CCDC6: variants seen among roughly 807,000 people sequenced by gnomAD.
CCDC6 encodes the protein coiled-coil domain-containing protein 6.
Under a neutral mutation model 56.6 loss-of-function variants are expected in CCDC6, and 20 were observed. That is an observed-to-expected ratio of 0.35 (90% CI 0.25 to 0.51). The LOEUF is 0.51. Among genes scored for constraint, CCDC6 ranks in the 20% least tolerant of loss-of-function variants. The probability of loss-of-function intolerance (pLI) is 0.95; values close to 1 mark genes in which losing one functional copy is unlikely to be tolerated. For missense variants in CCDC6, 367 were observed against 601.1 expected (o/e 0.61, Z 4.07); for synonymous variants, 241 against 234.4 (o/e 1.03, Z -0.26).
At chr10:59,850,838 T>C (rs1317531891) in intron 2 of CCDC6, among the ~76,000 whole-genome samples, 1 of 152,196 alleles carries the variant, frequency 6.6e-6, no homozygotes, top group Non-Finnish European at 1.5e-5. Flanking sequence ...ACACCAAGTA[T>C]ACACAACTAT....
In CCDC6 at chr10:59,789,619, T is replaced by C. The variant is rs142638158; in HGVS notation, c.*3298A>G. On this transcript the variant is annotated 3_prime_UTR_variant, in exon 9 of 9. Coordinates refer to ENST00000263102, the MANE Select transcript of CCDC6 (RefSeq NM_005436.5). Reference sequence around the variant, plus strand: ...GTTGTTTTACTATGTATTTCTTTGGTAGTCATCACTACAAAGTTTTCAGTG... The same window carrying C: ...GTTGTTTTACTATGTATTTCTTTGGCAGTCATCACTACAAAGTTTTCAGTG... The C allele has an allele frequency of 1.3e-3, 289 of 228,488 alleles. 10 individuals carry two copies. In the East Asian group the frequency reaches 0.018, roughly 14 times the overall value. 14.2% of individuals were successfully genotyped at this position (228,488 alleles called of 1,614,324 possible). A position where few individuals can be genotyped will look rare whatever the true frequency, so the allele number is the denominator to read the frequency against.
chr10:59,871,565 G>T (rs976053650), intron 1 of CCDC6, among the ~76,000 whole-genome samples: 3 of 151,520 alleles, frequency 2.0e-5, no homozygotes, highest in Non-Finnish European at 4.4e-5. Flanking sequence ...GGGCCCCAAG[G>T]TTCCATTGAA....
At chr10:59,844,472 AG>A (rs1284431045) in intron 2 of CCDC6, among the ~76,000 whole-genome samples, 3 of 151,334 alleles carry the variant, frequency 2.0e-5, no homozygotes. Context: ...AAGTCCTTGC[AG>A]GGCACGGTGG....
intron 1 of CCDC6, among the ~76,000 whole-genome samples, chr10:59,868,801 T>C (rs747767482): frequency 8.5e-5 from 13 of 152,198 alleles, no homozygotes; most frequent in Non-Finnish European, 1.3e-4. Context: ...CCCTGGTAGA[T>C]GACACTTCAC....
rs898788945 is a variant in CCDC6, at chr10:59,792,406, A to G, written c.*511T>C. Reference sequence around the variant, plus strand: ...GAAAATATGTCTTGGGCACTGATTCATCTAACTTTCTGTTCTACACTGAAA... The same window carrying G: ...GAAAATATGTCTTGGGCACTGATTCGTCTAACTTTCTGTTCTACACTGAAA... On this transcript the variant is annotated 3_prime_UTR_variant, in exon 9 of 9. Coordinates refer to ENST00000263102, the MANE Select transcript of CCDC6 (RefSeq NM_005436.5). 2.4e-6 allele frequency: 1 copy of G among 418,112 alleles called. No individual in the cohort carries two copies. 25.9% of individuals were successfully genotyped at this position (418,112 alleles called of 1,614,324 possible).
At chr10:59,840,452 G>A (rs1222451630) in intron 2 of CCDC6, among the ~76,000 whole-genome samples, 5 of 152,050 alleles carry the variant, frequency 3.3e-5, no homozygotes, top group South Asian at 2.1e-4. Flanking sequence ...TCATCCTTGC[G>A]TTTTCCTTAT....
In CCDC6 at chr10:59,906,165, A is replaced by C; in HGVS notation, c.260T>G (p.Leu87Arg). 1 of 1,610,284 alleles carries C rather than the reference A, an allele frequency of 6.2e-7. No individual in the cohort carries two copies. The highest frequency in any genetic ancestry group is 8.5e-7 in the Non-Finnish European group (1 of 1,178,466). ...LETYKLKCKA[L>R]QEENRDLRKA... ...GCGCAGGTCGCGGTTCTCCTCCTGC[A>C]GTGCCTTGCACTTCAGTTTGTAGGT... Residue 87 changes from leucine to arginine, a missense_variant, in exon 1 of 9, where the codon CTG (leucine) becomes CGG (arginine). Leu to Arg is a moderately radical substitution (Grantham distance 102). Around this residue, in one of 7 missense-constraint regions of CCDC6, gnomAD observed 41 missense variants for 90.8 expected, o/e 0.45. Transcript: ENST00000263102.
intron 1 of CCDC6, among the ~76,000 whole-genome samples, chr10:59,893,617 T>C (rs1180434983): frequency 0.063 from 1,149 of 18,368 alleles, 14 homozygotes; most frequent in African/African-American, 0.19. Context: ...AACAAACAAA[T>C]ACATACATAC....
At chr10:59,888,497 C>T (rs899853733) in intron 1 of CCDC6, among the ~76,000 whole-genome samples, 2 of 90,960 alleles carry the variant, frequency 2.2e-5, no homozygotes, top group Non-Finnish European at 5.0e-5. Flanking sequence ...GGAAACAGGG[C>T]AGCAGGTAAA....
chr10:59,885,603 A>T (rs2071376835), intron 1 of CCDC6, among the ~76,000 whole-genome samples: 1 of 152,060 alleles, frequency 6.6e-6, no homozygotes, highest in South Asian at 2.1e-4. Flanking sequence ...CCACATCCCG[A>T]TCTCACTCTG....
intron 7 of CCDC6, among the ~76,000 whole-genome samples, chr10:59,795,718 C>A (rs905100321): frequency 5.4e-5 from 8 of 149,334 alleles, no homozygotes; most frequent in Admixed American, 2.7e-4. Context: ...TGAGTCAGAA[C>A]ATGTGGTGTT....
At chr10:59,903,275 G>A (rs1053990148) in intron 1 of CCDC6, among the ~76,000 whole-genome samples, 1 of 152,188 alleles carries the variant, frequency 6.6e-6, no homozygotes, top group Non-Finnish European at 1.5e-5. Context: ...ACAAGACCAA[G>A]TAAACTCTAG....
chr10:59,861,773 A>C (rs1358288106), intron 1 of CCDC6, among the ~76,000 whole-genome samples: 4 of 152,250 alleles, frequency 2.6e-5, no homozygotes, highest in Non-Finnish European at 5.9e-5. Context: ...AAATTATTTT[A>C]ACAAATAAAT....
At chr10:59,840,060 G>A (rs1054810689) in intron 2 of CCDC6, among the ~76,000 whole-genome samples, 5 of 152,038 alleles carry the variant, frequency 3.3e-5, no homozygotes, top group Admixed American at 2.6e-4. Context: ...TCCTGACCTC[G>A]TGATCCCCCC....
At chr10:59,813,470 T>C (rs570767634) in intron 4 of CCDC6, among the ~76,000 whole-genome samples, 13 of 152,340 alleles carry the variant, frequency 8.5e-5, no homozygotes, top group East Asian at 1.9e-4. Context: ...CAAACTTCCA[T>C]ACTGTTCAAC....
intron 2 of CCDC6, among the ~76,000 whole-genome samples, chr10:59,840,339 G>C (rs1323955055): frequency 6.6e-6 from 1 of 152,134 alleles, no homozygotes; most frequent in Non-Finnish European, 1.5e-5. Context: ...TTAGTAGTCT[G>C]TTTAAATCAT....
In CCDC6 at chr10:59,881,899, A is replaced by T. The variant is rs562244611; in HGVS notation, c.303+24223T>A. Among the ~76,000 whole-genome samples, 88 of 152,316 alleles carry T rather than the reference A, an allele frequency of 5.8e-4. 1 individual carries two copies. In the South Asian group the frequency reaches 9.5e-3, roughly 16 times the overall value. On this transcript the variant is annotated intron_variant, in intron 1 of 8. Coordinates refer to ENST00000263102, the MANE Select transcript of CCDC6 (RefSeq NM_005436.5). ...GGGAGGGGCACACTGAATACTTACG[A>T]ATACTTAGGAATGAAGTGCTCTTGT...
At chr10:59,797,436 CAA>C (rs1479631814) in intron 7 of CCDC6, among the ~76,000 whole-genome samples, 1 of 150,866 alleles carries the variant, frequency 6.6e-6, no homozygotes, top group Non-Finnish European at 1.5e-5. Flanking sequence ...TTCAGGAAAG[CAA>C]AAGACATGAG....
chr10:59,796,412 A>C (rs139619625), intron 7 of CCDC6, among the ~76,000 whole-genome samples: 2,026 of 151,868 alleles, frequency 0.013, 54 homozygotes, highest in African/African-American at 0.046. Context: ...ATTTTCTCCC[A>C]ATTTGTAGGT....
Sources: gnomAD v4.1 joint callset for allele counts (sites outside exome capture counted in the v4.1 genomes callset) on GRCh38, gnomAD v4.1.1 for gene constraint, gnomAD v4.1.1 regional missense constraint, MANE v1.5 for transcripts, NCBI Gene and HGNC (gene_info 2026-07-23, HGNC 2026-07-21) for gene names.